SLIT2: variants seen among roughly 807,000 people sequenced by gnomAD.
SLIT2 encodes the protein slit homolog 2 protein.
SLIT2 carries 41 observed loss-of-function variants against 185.7 expected under a neutral mutation model. That is an observed-to-expected ratio of 0.22 (90% CI 0.17 to 0.29). The LOEUF (loss-of-function observed/expected upper bound fraction) is 0.29, where lower values mean the gene tolerates loss of function less well. Among genes scored for constraint, SLIT2 ranks in the 10% least tolerant of loss-of-function variants. The pLI is 1.00. For missense variants in SLIT2, 1,571 were observed against 1,909.0 expected (o/e 0.82, Z 3.30); for synonymous variants, 693 against 680.2 (o/e 1.02, Z -0.29).
chr4:20,515,491 T>C (rs1385206311), intron 11 of SLIT2, among the ~76,000 whole-genome samples: 2 of 152,206 alleles, frequency 1.3e-5, no homozygotes, highest in Non-Finnish European at 2.9e-5. Flanking sequence ...TGGAAGACTT[T>C]AACACTGTAC....
intron 3 of SLIT2, among the ~76,000 whole-genome samples, chr4:20,263,385 C>G (rs532986606): frequency 2.0e-5 from 3 of 151,892 alleles, no homozygotes; most frequent in South Asian, 4.1e-4. Context: ...CTGCAATGTC[C>G]ATACACTCTG....
rs1256660718 is a variant in SLIT2 at position 20,299,291 on chromosome 4, T to A, written c.395+30410T>A. Among the ~76,000 whole-genome samples, 4 of 152,180 alleles carry A rather than the reference T, an allele frequency of 2.6e-5. No homozygotes were observed. In the East Asian group the frequency reaches 7.7e-4, roughly 29 times the overall value. ...AGAATATACAGACTTTTAAAAAACA[T>A]TATTTCTAATATATTTATATATCAA... On this transcript the variant is annotated intron_variant, in intron 4 of 36. Coordinates refer to ENST00000504154, the MANE Select transcript of SLIT2 (RefSeq NM_004787.4).
At chr4:20,456,137 C>G (rs1022944929) in intron 4 of SLIT2, among the ~76,000 whole-genome samples, 9 of 152,078 alleles carry the variant, frequency 5.9e-5, no homozygotes, top group Non-Finnish European at 1.3e-4. Flanking sequence ...TCTAGTTGTT[C>G]TTGCACAAAG....
At chr4:20,410,684 CA>C (rs1337947044) in intron 4 of SLIT2, among the ~76,000 whole-genome samples, 2 of 152,086 alleles carry the variant, frequency 1.3e-5, no homozygotes, top group African/African-American at 4.8e-5. Context: ...ATTCTTTCCC[CA>C]CTGCTTGTTT....
intron 4 of SLIT2, among the ~76,000 whole-genome samples, chr4:20,271,103 T>C (rs541110788): frequency 6.6e-4 from 101 of 152,100 alleles, no homozygotes; most frequent in African/African-American, 2.3e-3. Context: ...TCTCACATGA[T>C]ACAGATGCCA....
At chr4:20,272,180 A>G (rs1215545911) in intron 4 of SLIT2, among the ~76,000 whole-genome samples, 1 of 151,996 alleles carries the variant, frequency 6.6e-6, no homozygotes, top group Non-Finnish European at 1.5e-5. Flanking sequence ...TGCATAAACT[A>G]CAGGACAGTG....
At chr4:20,452,527 T>G (rs1712582747) in intron 4 of SLIT2, among the ~76,000 whole-genome samples, 1 of 152,170 alleles carries the variant, frequency 6.6e-6, no homozygotes, top group Admixed American at 6.5e-5. Context: ...TGTTCTTTGT[T>G]GTATGTTCTG....
At chr4:20,377,278 A>G (rs1724100826) in intron 4 of SLIT2, among the ~76,000 whole-genome samples, 2 of 152,184 alleles carry the variant, frequency 1.3e-5, no homozygotes, top group South Asian at 2.1e-4. Context: ...TGAATGTATT[A>G]TATTCTCTCA....
rs1233734822 is a variant in SLIT2, at chr4:20,617,581, A to G, written c.4279A>G (p.Arg1427Gly). 1 of 1,613,608 alleles carries G rather than the reference A, an allele frequency of 6.2e-7. No homozygotes were observed. Among genetic ancestry groups the G allele is most frequent in the Admixed American group, 1.7e-5 (1 of 59,998 alleles). The change falls in exon 36 of 37, where the codon AGG (arginine) becomes GGG (glycine). Residue 1427 changes from arginine to glycine, a missense_variant. Transcript: ENST00000504154. ...QAIKCKHGKCRLSGLGQPYCE... is the reference protein window; with the variant it reads ...QAIKCKHGKCGLSGLGQPYCE... ...GATCAAGTGCAAGCATGGGAAGTGC[A>G]GGCTTTCAGGTCTGGGGCAGCCCTA...
intron 22 of SLIT2, 89 bp from the exon 23 acceptor site, chr4:20,548,390 TACTGCTATG>T (rs1221867643): frequency 9.1e-6 from 6 of 658,920 alleles, no homozygotes; most frequent in African/African-American, 9.0e-5. Flanking sequence ...ATGCTAACAA[TACTGCTATG>T]ACTATAAGAA....
chr4:20,326,383 T>G (rs1391591927), intron 4 of SLIT2, among the ~76,000 whole-genome samples: 2 of 152,068 alleles, frequency 1.3e-5, no homozygotes, highest in Non-Finnish European at 2.9e-5. Context: ...ATTAAACTGA[T>G]GTTTCAAAGG....
chr4:20,460,806 T>C (rs1369370757), intron 4 of SLIT2, among the ~76,000 whole-genome samples: 1 of 152,162 alleles, frequency 6.6e-6, no homozygotes, highest in Non-Finnish European at 1.5e-5. Context: ...TGATCTCACT[T>C]GTATGTGGAA....
intron 21 of SLIT2, among the ~76,000 whole-genome samples, chr4:20,544,304 C>G (rs772868992): frequency 2.0e-5 from 3 of 152,050 alleles, no homozygotes; most frequent in Admixed American, 1.3e-4. Context: ...TGCTAAATCC[C>G]TTCTTCTACA....
At chr4:20,437,253 C>T (rs1221750147) in intron 4 of SLIT2, among the ~76,000 whole-genome samples, 1 of 152,118 alleles carries the variant, frequency 6.6e-6, no homozygotes, top group East Asian at 1.9e-4. Flanking sequence ...CTGGTGCCAT[C>T]TCCCAAGCTG....
intron 4 of SLIT2, among the ~76,000 whole-genome samples, chr4:20,432,654 G>A (rs767110715): frequency 6.6e-5 from 10 of 151,910 alleles, no homozygotes; most frequent in Non-Finnish European, 1.2e-4. Context: ...TGCCTTCAAA[G>A]TATTTCTCAC....
At chr4:20,458,088 C>CAAAAAA (rs10672353) in intron 4 of SLIT2, among the ~76,000 whole-genome samples, 5 of 112,896 alleles carry the variant, frequency 4.4e-5, no homozygotes, top group Admixed American at 9.5e-5. Flanking sequence ...ACACATTATG[C>CAAAAAA]AAAAAAAAAA....
chr4:20,444,347 T>C (rs941172340), intron 4 of SLIT2, among the ~76,000 whole-genome samples: 16 of 152,290 alleles, frequency 1.1e-4, no homozygotes, highest in African/African-American at 3.8e-4. Flanking sequence ...GAATGTCATC[T>C]TGTTTTATTT....
chr4:20,423,015 T>C (rs1314527669), intron 4 of SLIT2, among the ~76,000 whole-genome samples: 1 of 152,060 alleles, frequency 6.6e-6, no homozygotes, highest in African/African-American at 2.4e-5. Context: ...TTCCTTAAGT[T>C]TTTTAATGCT....
chr4:20,392,485 C>T (rs966659390), intron 4 of SLIT2, among the ~76,000 whole-genome samples: 2 of 152,052 alleles, frequency 1.3e-5, no homozygotes, highest in African/African-American at 4.8e-5. Context: ...ATATTATATA[C>T]TTAGGCTACA....
Sources: gnomAD v4.1 joint callset for allele counts (sites outside exome capture counted in the v4.1 genomes callset) on GRCh38, gnomAD v4.1.1 for gene constraint, MANE v1.5 for transcripts, NCBI Gene and HGNC (gene_info 2026-07-23, HGNC 2026-07-21) for gene names.